Variants in MCPH1 observed in about 807,000 individuals in gnomAD.
MCPH1 encodes the protein microcephalin.
MCPH1 carries 104 observed loss-of-function variants against 84.5 expected under a neutral mutation model. The observed-to-expected ratio is 1.23, with a 90% confidence interval of 1.05 to 1.45. MCPH1 has a LOEUF of 1.45. Ranked by LOEUF, MCPH1 falls within the 40% of genes most tolerant of loss-of-function variation. MCPH1 has a pLI of 0.00. For synonymous variants in MCPH1, 514 were observed against 366.8 expected (o/e 1.40, Z -4.58); for missense variants, 1,498 against 1,005.7 (o/e 1.49, Z -6.62).
intron 3 of MCPH1, among the ~76,000 whole-genome samples, chr8:6,417,920 C>T (rs1209773397): frequency 2.0e-5 from 3 of 152,132 alleles, no homozygotes; most frequent in South Asian, 2.1e-4. Flanking sequence ...TTTCTATTGT[C>T]GCAAAGAGCA....
Position 6,499,925 on chromosome 8 carries a change from C to G in MCPH1, c.2210C>G (p.Ala737Gly), listed in dbSNP as rs759545352. The G allele has an allele frequency of 8.6e-5, 138 of 1,613,210 alleles. 1 individual carries two copies. The Middle Eastern group carries it at 1.7e-3, about 20-fold the overall frequency. Reference protein sequence around the residue: ...PFELSHHFPAAPLCRSECHLS... With the variant: ...PFELSHHFPAGPLCRSECHLS... ...GAACTGTCTCACCACTTCCCTGCAG[C>G]TCCCGTAAGTCAGATGTTGTTTTAC... The change falls in exon 12 of 14, where the codon GCT (alanine) becomes GGT (glycine). Residue 737 changes from alanine to glycine, a missense_variant. By Grantham distance (60) the Ala-to-Gly change is moderately conservative. Coordinates refer to ENST00000344683, the MANE Select transcript of MCPH1 (RefSeq NM_024596.5).
chr8:6,547,516 A>T (rs1325126317), intron 12 of MCPH1, among the ~76,000 whole-genome samples: 3 of 152,212 alleles, frequency 2.0e-5, no homozygotes, highest in Non-Finnish European at 2.9e-5. Flanking sequence ...GAAGGGGAAG[A>T]AGTTATTTCC....
intron 12 of MCPH1, among the ~76,000 whole-genome samples, chr8:6,559,588 A>C (rs1825198649): frequency 6.6e-6 from 1 of 152,222 alleles, no homozygotes; most frequent in Admixed American, 6.5e-5. Context: ...ATTCTGTTTT[A>C]ACGTGTTCAT....
chr8:6,429,479 A>T (rs954886981), intron 3 of MCPH1, among the ~76,000 whole-genome samples: 18 of 149,556 alleles, frequency 1.2e-4, no homozygotes, highest in African/African-American at 4.2e-4. Flanking sequence ...CCAGGTTCTG[A>T]GCTCCAGATG....
intron 13 of MCPH1, among the ~76,000 whole-genome samples, chr8:6,639,305 C>A (rs966614327): frequency 6.6e-6 from 1 of 152,082 alleles, no homozygotes; most frequent in Non-Finnish European, 1.5e-5. Flanking sequence ...ACAACCCTTC[C>A]TTAACTACAA....
intron 12 of MCPH1, among the ~76,000 whole-genome samples, chr8:6,529,611 C>T (rs1040459228): frequency 1.3e-5 from 2 of 150,156 alleles, no homozygotes; most frequent in African/African-American, 2.5e-5. Flanking sequence ...TGCACACAAG[C>T]ACGCCTGGCT....
chr8:6,542,662 G>A (rs1586512842), intron 12 of MCPH1, among the ~76,000 whole-genome samples: 1 of 151,626 alleles, frequency 6.6e-6, no homozygotes, highest in African/African-American at 2.4e-5. Context: ...TTGAAATGAA[G>A]TATAAAGATA....
intron 3 of MCPH1, among the ~76,000 whole-genome samples, chr8:6,420,761 G>A (rs894388865): frequency 6.6e-6 from 1 of 152,162 alleles, no homozygotes; most frequent in Non-Finnish European, 1.5e-5. Flanking sequence ...ATAAGCAAAT[G>A]TAACCCCTTT....
intron 1 of MCPH1, among the ~76,000 whole-genome samples, chr8:6,407,898 T>A (rs1797969511): frequency 6.6e-6 from 1 of 152,180 alleles, no homozygotes; most frequent in South Asian, 2.1e-4. Context: ...AAAGGTCAAA[T>A]GAAAAATTAT....
chr8:6,465,241 C>G (rs1360902691), intron 9 of MCPH1, among the ~76,000 whole-genome samples: 1 of 152,074 alleles, frequency 6.6e-6, no homozygotes, highest in African/African-American at 2.4e-5. Context: ...AACTTGAATC[C>G]TTATTTTTAT....
At chr8:6,641,721 G>C (rs899295866) in intron 13 of MCPH1, among the ~76,000 whole-genome samples, 2 of 152,188 alleles carry the variant, frequency 1.3e-5, no homozygotes, top group South Asian at 4.1e-4. Context: ...TCTAACCTGC[G>C]TGACTGAGCA....
rs1482389931 is a variant in MCPH1, at chr8:6,645,778, A to C, written c.*2729A>C. 6.6e-6 allele frequency: 1 copy of C among 152,168 alleles called. No individual in the cohort carries two copies. The highest frequency in any genetic ancestry group is 2.4e-5 in the African/African-American group (1 of 41,446). 9.4% of individuals were successfully genotyped at this position (152,168 alleles called of 1,614,324 possible). A position where few individuals can be genotyped will look rare whatever the true frequency, so the allele number is the denominator to read the frequency against. On this transcript the variant is annotated 3_prime_UTR_variant, in exon 14 of 14. Coordinates refer to ENST00000344683, the MANE Select transcript of MCPH1 (RefSeq NM_024596.5). ...AATTAAGACCACGATTCCATTTAAA[A>C]TTGCATCTAAAAATAAACAAAATAG...
At chr8:6,418,691 C>A (rs1254211805) in intron 3 of MCPH1, among the ~76,000 whole-genome samples, 2 of 152,126 alleles carry the variant, frequency 1.3e-5, no homozygotes, top group Non-Finnish European at 2.9e-5. Flanking sequence ...CAGCGATTCT[C>A]CTGCCTCAGC....
chr8:6,495,637 G>A (rs955747871), intron 11 of MCPH1, among the ~76,000 whole-genome samples: 13 of 152,128 alleles, frequency 8.5e-5, no homozygotes, highest in Non-Finnish European at 1.5e-4. Context: ...CTTTTGTTAC[G>A]CTTATAATAA....
At chr8:6,510,629 T>G (rs1378710244) in intron 12 of MCPH1, among the ~76,000 whole-genome samples, 1 of 152,176 alleles carries the variant, frequency 6.6e-6, no homozygotes, top group African/African-American at 2.4e-5. Flanking sequence ...TTCAGAGATA[T>G]AAACTTGTCC....
intron 13 of MCPH1, among the ~76,000 whole-genome samples, chr8:6,640,845 G>A (rs996780278): frequency 1.3e-5 from 2 of 152,094 alleles, no homozygotes; most frequent in Non-Finnish European, 2.9e-5. Context: ...TTCACTTACT[G>A]TATAATGTGA....
At chr8:6,562,506 G>A (rs1204701272) in intron 12 of MCPH1, 4 of 669,220 alleles carry the variant, frequency 6.0e-6, no homozygotes, top group Admixed American at 3.6e-5. Context: ...TTCATTTGAG[G>A]GTACCAGCAA....
intron 9 of MCPH1, among the ~76,000 whole-genome samples, chr8:6,458,670 A>G (rs1805956818): frequency 1.3e-5 from 2 of 152,088 alleles, no homozygotes. Flanking sequence ...TCTGAGATGG[A>G]GTATCACTCT....
intron 12 of MCPH1, among the ~76,000 whole-genome samples, chr8:6,559,096 C>T (rs1357326886): frequency 1.3e-5 from 2 of 152,116 alleles, no homozygotes; most frequent in South Asian, 2.1e-4. Context: ...TCTTGTCCTC[C>T]GCAGGAGGAC....
Sources: gnomAD v4.1 joint callset for allele counts (sites outside exome capture counted in the v4.1 genomes callset) on GRCh38, gnomAD v4.1.1 for gene constraint, MANE v1.5 for transcripts, NCBI Gene and HGNC (gene_info 2026-07-23, HGNC 2026-07-21) for gene names.